The following NCAM2 variants were observed in gnomAD, a reference collection of about 807,000 sequenced individuals.
The protein encoded by NCAM2 is neural cell adhesion molecule 2, also known as N-CAM-2.
In NCAM2, 30 loss-of-function variants were observed where a neutral mutation model predicts 98.1. The ratio of observed to expected loss-of-function variants is 0.31; its 90% CI spans 0.23 to 0.41. NCAM2 has a LOEUF of 0.41. NCAM2 is among the 10% of genes least tolerant of loss of function. The probability of loss-of-function intolerance (pLI) is 1.00; values close to 1 mark genes in which losing one functional copy is unlikely to be tolerated. For missense variants in NCAM2, 867 were observed against 1,005.8 expected, an observed-to-expected ratio of 0.86 and a Z score of 1.87; for synonymous variants, 368 against 342.4, an observed-to-expected ratio of 1.07 and a Z score of -0.83.
At chr21:21,494,190 G>T (rs75159328) in intron 15 of NCAM2, among the ~76,000 whole-genome samples, 4,552 of 151,766 alleles carry the variant, frequency 0.03, 149 homozygotes, top group East Asian at 0.15. Context: ...AAATAGTTAG[G>T]AATTTTATAT....
At chr21:21,414,871 AAT>A (rs1174816816) in intron 10 of NCAM2, among the ~76,000 whole-genome samples, 34 of 152,118 alleles carry the variant, frequency 2.2e-4, no homozygotes. Flanking sequence ...AAACAACATT[AAT>A]ATCTTTGTAT....
chr21:21,013,302 C>T (rs1370494830), intron 1 of NCAM2, among the ~76,000 whole-genome samples: 1 of 152,130 alleles, frequency 6.6e-6, no homozygotes, highest in African/African-American at 2.4e-5. Context: ...GCAAAGCAAC[C>T]TTATTGCTTA....
intron 8 of NCAM2, among the ~76,000 whole-genome samples, chr21:21,371,774 TA>T (rs1286386485): frequency 6.6e-6 from 1 of 151,858 alleles, no homozygotes; most frequent in Non-Finnish European, 1.5e-5. Flanking sequence ...CTTGTTTGTT[TA>T]ACTTTAATGC....
In NCAM2 at chr21:21,537,974, G is replaced by T; in HGVS notation, c.*17G>T. On this transcript the variant is annotated 3_prime_UTR_variant, in exon 18 of 18. Coordinates refer to ENST00000400546, the MANE Select transcript of NCAM2 (RefSeq NM_004540.5). ...AAAGCATAACAACAATATTACAGGG[G>T]CTTGAACAACACTACGAAGAGTATT... 3 of 1,384,876 alleles carry T rather than the reference G, an allele frequency of 2.2e-6. No homozygotes were observed. Among genetic ancestry groups the T allele is most frequent in the Non-Finnish European group, 3.0e-6 (3 of 1,006,626 alleles). The allele number at this position is 1,384,876 out of a possible 1,614,324, so 85.8% of individuals were successfully genotyped here. A position where few individuals can be genotyped will look rare whatever the true frequency, so the allele number is the denominator to read the frequency against.
intron 8 of NCAM2, among the ~76,000 whole-genome samples, chr21:21,373,135 T>C (rs893954984): frequency 6.6e-6 from 1 of 151,830 alleles, no homozygotes; most frequent in African/African-American, 2.4e-5. Flanking sequence ...TAATTTGCTT[T>C]CTAAAAATAT....
At chr21:21,431,175 A>AAT (rs1240068983) in intron 11 of NCAM2, among the ~76,000 whole-genome samples, 3 of 150,620 alleles carry the variant, frequency 2.0e-5, no homozygotes, top group Non-Finnish European at 4.4e-5. Flanking sequence ...CCTCTCTGAA[A>AAT]AAAAATTATT....
At chr21:21,081,483 A>G (rs1250382059) in intron 1 of NCAM2, among the ~76,000 whole-genome samples, 1 of 152,122 alleles carries the variant, frequency 6.6e-6, no homozygotes, top group African/African-American at 2.4e-5. Flanking sequence ...ACCTACTGTA[A>G]CAAAAAAGAC....
chr21:21,025,616 G>A (rs959513243), intron 1 of NCAM2, among the ~76,000 whole-genome samples: 1 of 73,948 alleles, frequency 1.4e-5, no homozygotes, highest in Non-Finnish European at 2.6e-5. Context: ...TGTGTCCCAG[G>A]AATTTATTCT....
At chr21:21,522,194 T>C (rs1346679575) in intron 16 of NCAM2, among the ~76,000 whole-genome samples, 3 of 148,132 alleles carry the variant, frequency 2.0e-5, no homozygotes, top group Non-Finnish European at 4.5e-5. Flanking sequence ...ATGAATGCTA[T>C]ATATATGAAT....
intron 12 of NCAM2, among the ~76,000 whole-genome samples, chr21:21,432,558 C>T (rs192377545): frequency 9.9e-4 from 149 of 150,568 alleles, no homozygotes; most frequent in South Asian, 2.3e-3. Flanking sequence ...AAGGCAATTG[C>T]TCACATACTA....
At chr21:21,424,659 G>A (rs1206788997) in intron 11 of NCAM2, among the ~76,000 whole-genome samples, 1 of 152,128 alleles carries the variant, frequency 6.6e-6, no homozygotes, top group Non-Finnish European at 1.5e-5. Flanking sequence ...AAGACTGGAA[G>A]GGTATATTGT....
At chr21:21,060,049 T>C (rs1428274530) in intron 1 of NCAM2, among the ~76,000 whole-genome samples, 2 of 152,112 alleles carry the variant, frequency 1.3e-5, no homozygotes, top group Non-Finnish European at 2.9e-5. Flanking sequence ...GCCATTCACA[T>C]GTCTGAACTA....
At chr21:21,199,569 G>A (rs1487377367) in intron 1 of NCAM2, among the ~76,000 whole-genome samples, 2 of 152,154 alleles carry the variant, frequency 1.3e-5, no homozygotes, top group Non-Finnish European at 1.5e-5. Flanking sequence ...CTGTGAAAAT[G>A]ACTAACCTTG....
intron 1 of NCAM2, among the ~76,000 whole-genome samples, chr21:21,014,537 G>A (rs1033383398): frequency 3.9e-5 from 6 of 152,078 alleles, no homozygotes; most frequent in African/African-American, 1.2e-4. Context: ...AATATTGTAA[G>A]CTCACTGTAG....
chr21:21,081,672 G>C (rs190865870), intron 1 of NCAM2, among the ~76,000 whole-genome samples: 6 of 151,762 alleles, frequency 4.0e-5, no homozygotes, highest in African/African-American at 1.4e-4. Flanking sequence ...GTGGCGGTGC[G>C]TGCCTGTAAT....
At chr21:21,385,583 A>C in intron 9 of NCAM2, 1 of 1,253,520 alleles carries the variant, frequency 8.0e-7, no homozygotes, top group South Asian at 1.3e-5. Context: ...TTTTTTGCTC[A>C]AAACCTCTTT....
intron 9 of NCAM2, among the ~76,000 whole-genome samples, chr21:21,375,665 A>G (rs2076016485): frequency 6.6e-6 from 1 of 151,488 alleles, no homozygotes; most frequent in South Asian, 2.1e-4. Context: ...CATTTGTTAT[A>G]TTTTTAATTA....
At chr21:21,474,585 A>C (rs1984904852) in intron 14 of NCAM2, among the ~76,000 whole-genome samples, 1 of 152,062 alleles carries the variant, frequency 6.6e-6, no homozygotes, top group African/African-American at 2.4e-5. Context: ...TCAGATACAT[A>C]ACAAAACTGA....
At chr21:21,274,589 T>C (rs950449397) in intron 1 of NCAM2, among the ~76,000 whole-genome samples, 2 of 152,224 alleles carry the variant, frequency 1.3e-5, no homozygotes, top group South Asian at 2.1e-4. Flanking sequence ...TTTTAAAATA[T>C]GTTTCAATGA....
Sources: gnomAD v4.1 joint callset for allele counts (sites outside exome capture counted in the v4.1 genomes callset) on GRCh38, gnomAD v4.1.1 for gene constraint, MANE v1.5 for transcripts, NCBI Gene and HGNC (gene_info 2026-07-23, HGNC 2026-07-21) for gene names.